Variants in SNX18 observed in about 807,000 individuals in gnomAD.
SNX18 encodes the protein sorting nexin-18.
Under a neutral mutation model 48.7 loss-of-function variants are expected in SNX18, and 35 were observed. The observed-to-expected ratio is 0.72, with a 90% confidence interval of 0.55 to 0.95. The LOEUF is 0.95. Among genes scored for constraint, SNX18 ranks in the 40% least tolerant of loss-of-function variants. The probability of loss-of-function intolerance (pLI) is 0.00; values close to 1 mark genes in which losing one functional copy is unlikely to be tolerated. For missense variants in SNX18, 824 were observed against 871.0 expected (o/e 0.95, Z 0.68); for synonymous variants, 492 against 384.7 (o/e 1.28, Z -3.26).
In SNX18 at chr5:54,519,567, C is replaced by G; in HGVS notation, c.1615C>G (p.Gln539Glu). 1.2e-6 allele frequency: 2 copies of G among 1,614,224 alleles called. No homozygotes were observed. Among genetic ancestry groups the G allele is most frequent in the Non-Finnish European group, 1.7e-6 (2 of 1,180,046 alleles). The change falls in exon 1 of 2, where the codon CAG becomes GAG. Residue 539 changes from glutamine to glutamate, a missense_variant. By Grantham distance (29) the Gln-to-Glu change is conservative (BLOSUM62 2). Transcript: ENST00000381410. Reference sequence around the variant, plus strand: ...TAACTTCCCGGACATCATCCACGTTCAGAAAGGTAAAGCCTGGCCCTTAGA... The same window carrying G: ...TAACTTCCCGGACATCATCCACGTTGAGAAAGGTAAAGCCTGGCCCTTAGA... ...LANFPDIIHV[Q>E]KGALTKVKES...
chr5:54,598,405 C>T, the SNX18 span, among the ~76,000 whole-genome samples: 1 of 152,024 alleles, frequency 6.6e-6, no homozygotes, highest in African/African-American at 2.4e-5. Context: ...GGCCTGATAC[C>T]AAAAACCGAC....
In SNX18 at chr5:54,544,844, T is replaced by G. The variant is rs994555138; in HGVS notation, c.*1412T>G. 1 of 152,106 alleles carries G rather than the reference T, an allele frequency of 6.6e-6. No homozygotes were observed. Among genetic ancestry groups the G allele is most frequent in the South Asian group, 2.1e-4 (1 of 4,828 alleles). The allele number at this position is 152,106 out of a possible 1,614,324, so 9.4% of individuals were successfully genotyped here. ...TAATGTGATTATTGAGTTTACAGAT[T>G]TAAAAATTGTCACTGTTAGAGTATC... On this transcript the variant is annotated 3_prime_UTR_variant, in exon 2 of 2. Transcript: ENST00000381410.
chr5:54,543,315 A>G lies in SNX18; in HGVS notation c.1758A>G (p.Gln586=). Residue 586 remains glutamine (Q), a synonymous_variant, in exon 2 of 2, where the codon CAA becomes CAG. Coordinates refer to ENST00000381410, the MANE Select transcript of SNX18 (RefSeq NM_001102575.2). ...TGGCTGAAATTCACCACTTCCATCA[A>G]ATTCGAGTGAGAGACTTTAAATCAC... is the stretch of plus-strand genomic sequence containing the variant. ...ATLAEIHHFH[Q]IRVRDFKSQM... The G allele has an allele frequency of 1.2e-6, 2 of 1,614,196 alleles. No homozygotes were observed. The highest frequency in any genetic ancestry group is 1.7e-6 in the Non-Finnish European group (2 of 1,180,024).
At chr5:54,561,255 G>A in the SNX18 span, among the ~76,000 whole-genome samples, 2 of 152,006 alleles carry the variant, frequency 1.3e-5, no homozygotes, top group African/African-American at 2.4e-5. Context: ...TGGTCAGGCT[G>A]GTCTCGAACT....
the SNX18 span, among the ~76,000 whole-genome samples, chr5:54,604,050 T>C: frequency 6.6e-6 from 1 of 152,218 alleles, no homozygotes; most frequent in Non-Finnish European, 1.5e-5. Context: ...TTGTTCAAGG[T>C]ACTGGAGATT....
At chr5:54,571,461 T>C in the SNX18 span, among the ~76,000 whole-genome samples, 2 of 152,226 alleles carry the variant, frequency 1.3e-5, no homozygotes, top group African/African-American at 2.4e-5. Flanking sequence ...CACAACTGTC[T>C]AGAGACTATT....
the SNX18 span, among the ~76,000 whole-genome samples, chr5:54,588,607 G>A: frequency 1.2e-4 from 19 of 152,152 alleles, no homozygotes; most frequent in African/African-American, 2.6e-4. Flanking sequence ...GATTACAGGC[G>A]TGAGCCACCG....
At chr5:54,524,761 C>G (rs951886298) in intron 1 of SNX18, among the ~76,000 whole-genome samples, 1 of 152,208 alleles carries the variant, frequency 6.6e-6, no homozygotes, top group African/African-American at 2.4e-5. Context: ...CATATTTATA[C>G]AACACAGACT....
At chr5:54,534,832 T>G (rs564188869) in intron 1 of SNX18, among the ~76,000 whole-genome samples, 1 of 152,278 alleles carries the variant, frequency 6.6e-6, no homozygotes, top group East Asian at 1.9e-4. Flanking sequence ...CAGCTTGCAG[T>G]GTGTTCTTAA....
chr5:54,527,350 C>T (rs972668507), intron 1 of SNX18, among the ~76,000 whole-genome samples: 5 of 111,212 alleles, frequency 4.5e-5, no homozygotes, highest in African/African-American at 3.1e-5. Context: ...AGGTGGTGGT[C>T]GGGGAGCCGG....
At chr5:54,576,951 A>G in the SNX18 span, among the ~76,000 whole-genome samples, 4 of 151,982 alleles carry the variant, frequency 2.6e-5, no homozygotes, top group Non-Finnish European at 5.9e-5. Flanking sequence ...ACGGGCGCCC[A>G]CCACCACGCC....
the SNX18 span, among the ~76,000 whole-genome samples, chr5:54,619,582 T>C: frequency 3.9e-5 from 6 of 152,246 alleles, no homozygotes; most frequent in Non-Finnish European, 5.9e-5. Context: ...ACAATACACT[T>C]TGAATACACT....
chr5:54,589,915 G>T, the SNX18 span, among the ~76,000 whole-genome samples: 1 of 152,232 alleles, frequency 6.6e-6, no homozygotes, highest in Non-Finnish European at 1.5e-5. Context: ...TCAGCCTCCC[G>T]AGTAGCTGGG....
intron 1 of SNX18, among the ~76,000 whole-genome samples, chr5:54,526,056 C>T (rs1191690452): frequency 3.3e-5 from 5 of 152,128 alleles, no homozygotes; most frequent in Admixed American, 2.0e-4. Flanking sequence ...TGGTAGACAG[C>T]TGGAGCGACT....
At chr5:54,528,177 T>C (rs142017065) in intron 1 of SNX18, among the ~76,000 whole-genome samples, 32 of 152,046 alleles carry the variant, frequency 2.1e-4, no homozygotes, top group African/African-American at 7.7e-4. Flanking sequence ...TTTTCCTCAT[T>C]AGTAAGTTTT....
intron 1 of SNX18, chr5:54,521,001 A>G (rs1762021376): frequency 6.0e-6 from 1 of 166,064 alleles, no homozygotes; most frequent in Non-Finnish European, 1.5e-5. Context: ...CTGTATTTAC[A>G]TTACCTATGC....
At chr5:54,610,778 A>AG in the SNX18 span, among the ~76,000 whole-genome samples, 2 of 152,198 alleles carry the variant, frequency 1.3e-5, no homozygotes, top group Non-Finnish European at 2.9e-5. Context: ...TGTAACAGGG[A>AG]GGGGGTTAAC....
chr5:54,605,146 T>C, the SNX18 span, among the ~76,000 whole-genome samples: 4 of 152,164 alleles, frequency 2.6e-5, no homozygotes, highest in East Asian at 5.8e-4. Context: ...TGACTTCTAC[T>C]GGACTTTATT....
chr5:54,626,613 G>T, the SNX18 span, among the ~76,000 whole-genome samples: 4 of 152,154 alleles, frequency 2.6e-5, no homozygotes, highest in African/African-American at 9.7e-5. Flanking sequence ...TCTCAACCAG[G>T]GATAATTTTG....
Sources: allele counts gnomAD v4.1 joint callset (sites outside exome capture counted in the v4.1 genomes callset), GRCh38; gene constraint gnomAD v4.1.1; transcripts MANE v1.5; gene names NCBI Gene and HGNC (gene_info 2026-07-23, HGNC 2026-07-21).